RBFOX1: variants seen among roughly 807,000 people sequenced by gnomAD.
RBFOX1 encodes RNA binding fox-1 homolog 1.
In RBFOX1, 8 loss-of-function variants were observed where a neutral mutation model predicts 57.7. The observed-to-expected ratio is 0.14, with a 90% CI of 0.08 to 0.25. The LOEUF is 0.25. RBFOX1 is among the 10% of genes least tolerant of loss of function. The pLI is 1.00. For synonymous variants in RBFOX1, 326 were observed against 222.4 expected (o/e 1.47, Z -4.15); for missense variants, 611 against 548.5 (o/e 1.11, Z -1.14).
At chr16:6,699,318 A>C (rs1019258) in intron 3 of RBFOX1, among the ~76,000 whole-genome samples, 147,568 of 150,426 alleles carry the variant, frequency 0.98, 72,446 homozygotes, top group Middle Eastern at 1. Flanking sequence ...TTTTTTTTAA[A>C]GTGACTTTCA....
chr16:6,966,144 C>G (rs991795827), intron 3 of RBFOX1, among the ~76,000 whole-genome samples: 4 of 152,148 alleles, frequency 2.6e-5, no homozygotes, highest in Middle Eastern at 3.2e-3. Context: ...CATGGTTCCA[C>G]TAAAAGGAGA....
At chr16:5,635,006 C>A (rs777347349) in intron 3 of RBFOX1, among the ~76,000 whole-genome samples, 1 of 152,104 alleles carries the variant, frequency 6.6e-6, no homozygotes, top group African/African-American at 2.4e-5. Flanking sequence ...AAGACTGGGT[C>A]ATGTGATCAG....
At chr16:6,748,369 A>C (rs2074222793) in intron 3 of RBFOX1, among the ~76,000 whole-genome samples, 1 of 152,106 alleles carries the variant, frequency 6.6e-6, no homozygotes, top group African/African-American at 2.4e-5. Context: ...GTATGAGCAC[A>C]AATTATTTGG....
rs551442856 is a variant in RBFOX1, at chr16:7,537,913, T to C, written c.270+19524T>C. ...CCGTGGTATTTTTAAACAATGGAAA[T>C]GAGAGAATCTGCCTTTTGGGCATTG... On this transcript the variant is annotated intron_variant, in intron 5 of 15. Transcript: ENST00000550418. Among the ~76,000 whole-genome samples the C allele has an allele frequency of 1.2e-4, 19 of 152,326 alleles. No homozygotes were observed. In the Middle Eastern group the frequency reaches 0.014, roughly 109 times the overall value.
chr16:7,027,577 A>G (rs1461162299), intron 3 of RBFOX1, among the ~76,000 whole-genome samples: 1 of 152,156 alleles, frequency 6.6e-6, no homozygotes, highest in Non-Finnish European at 1.5e-5. Context: ...GACCAAGACT[A>G]ATGTACTTAG....
chr16:6,645,959 C>T (rs868306152), intron 2 of RBFOX1, among the ~76,000 whole-genome samples: 1 of 152,166 alleles, frequency 6.6e-6, no homozygotes, highest in Non-Finnish European at 1.5e-5. Flanking sequence ...ATTCTGCTAT[C>T]TGTGTGGAAT....
chr16:5,590,654 T>A (rs1291077159), intron 2 of RBFOX1, among the ~76,000 whole-genome samples: 1 of 152,138 alleles, frequency 6.6e-6, no homozygotes, highest in African/African-American at 2.4e-5. Context: ...AGGAACCATA[T>A]GGGTGGAGGC....
chr16:5,254,672 C>T (rs941371239), intron 1 of RBFOX1, among the ~76,000 whole-genome samples: 2 of 152,200 alleles, frequency 1.3e-5, no homozygotes, highest in Non-Finnish European at 2.9e-5. Context: ...GCATCCCCCA[C>T]CCAGCTTGTT....
At chr16:7,502,527 C>A (rs1293158399) in intron 4 of RBFOX1, among the ~76,000 whole-genome samples, 1 of 152,116 alleles carries the variant, frequency 6.6e-6, no homozygotes, top group Non-Finnish European at 1.5e-5. Context: ...TGAAAAGGGG[C>A]TGAAGAAGAA....
chr16:5,875,219 C>T (rs2057573884), intron 4 of RBFOX1, among the ~76,000 whole-genome samples: 1 of 152,178 alleles, frequency 6.6e-6, no homozygotes, highest in Admixed American at 6.5e-5. Flanking sequence ...TTTGAAATAA[C>T]TGTGAATGCC....
intron 1 of RBFOX1, among the ~76,000 whole-genome samples, chr16:6,095,374 AC>A (rs531051640): frequency 1.4e-3 from 218 of 152,316 alleles, no homozygotes; most frequent in African/African-American, 4.9e-3. Flanking sequence ...TGAAACTCCA[AC>A]ACCTCACTCT....
At position 5,853,103 on chromosome 16, in the gene RBFOX1, C is replaced by G. The variant is rs182319279; in HGVS notation, c.319-14200C>G. On this transcript the variant is annotated intron_variant, in intron 3 of 19. Coordinates refer to the RBFOX1 transcript ENST00000641259. The stretch of plus-strand genomic sequence containing the variant: ...GAGACTATGGATATTGGAGTCATCT[C>G]TTGTGTAGAGAAAGGAGGCAGCCAG... Among the ~76,000 whole-genome samples, 29 of 152,104 alleles carry G rather than the reference C, an allele frequency of 1.9e-4. No homozygotes were observed. In the East Asian group the frequency reaches 3.3e-3, roughly 17 times the overall value.
At chr16:6,975,725 G>A (rs1235307110) in intron 3 of RBFOX1, among the ~76,000 whole-genome samples, 1 of 152,126 alleles carries the variant, frequency 6.6e-6, no homozygotes, top group African/African-American at 2.4e-5. Flanking sequence ...CTGCTCATAT[G>A]CTCATAGGCT....
intron 4 of RBFOX1, among the ~76,000 whole-genome samples, chr16:7,497,800 C>G (rs1026628200): frequency 6.6e-6 from 1 of 152,214 alleles, no homozygotes; most frequent in Non-Finnish European, 1.5e-5. Context: ...CTCAGAATGT[C>G]TACGGATGCC....
intron 3 of RBFOX1, among the ~76,000 whole-genome samples, chr16:6,821,183 C>T (rs557684003): frequency 3.7e-4 from 56 of 152,178 alleles, no homozygotes; most frequent in South Asian, 2.3e-3. Flanking sequence ...CTGGAAGGCA[C>T]TCCTGGATTT....
intron 2 of RBFOX1, among the ~76,000 whole-genome samples, chr16:6,642,943 T>C (rs1327897888): frequency 6.6e-6 from 1 of 152,234 alleles, no homozygotes; most frequent in African/African-American, 2.4e-5. Context: ...CGTTGTTTGC[T>C]GTTTGTATGA....
chr16:5,856,229 G>A (rs139738626), intron 3 of RBFOX1, among the ~76,000 whole-genome samples: 27,930 of 54,174 alleles, frequency 0.52, 7,295 homozygotes, highest in Non-Finnish European at 0.58. Flanking sequence ...ATATATATAT[G>A]TATATATATG....
chr16:7,331,652 A>T (rs1410345079), intron 4 of RBFOX1, among the ~76,000 whole-genome samples: 1 of 152,180 alleles, frequency 6.6e-6, no homozygotes, highest in Non-Finnish European at 1.5e-5. Context: ...ACTTCATTTA[A>T]TGATAACACA....
At chr16:6,824,572 C>G (rs1419629366) in intron 3 of RBFOX1, among the ~76,000 whole-genome samples, 2 of 152,090 alleles carry the variant, frequency 1.3e-5, no homozygotes, top group African/African-American at 4.8e-5. Context: ...ATAATAAATA[C>G]TAATACAAGT....
Sources: gnomAD v4.1 joint callset for allele counts (sites outside exome capture counted in the v4.1 genomes callset) on GRCh38, gnomAD v4.1.1 for gene constraint, MANE v1.5 for transcripts, NCBI Gene and HGNC (gene_info 2026-07-23, HGNC 2026-07-21) for gene names.